Variants in NFIX observed in about 807,000 individuals in gnomAD.
The protein encoded by NFIX is nuclear factor 1 X-type.
In NFIX, 2 loss-of-function variants were observed where a neutral mutation model predicts 53.3. The ratio of observed to expected loss-of-function variants is 0.04; its 90% CI spans 0.02 to 0.12. The LOEUF (loss-of-function observed/expected upper bound fraction) is 0.12, where lower values mean the gene tolerates loss of function less well. NFIX is among the 10% of genes least tolerant of loss of function. The pLI is 1.00. For synonymous variants in NFIX, 244 were observed against 289.0 expected, an observed-to-expected ratio of 0.84 and a Z score of 1.58; for missense variants, 310 against 674.5, an observed-to-expected ratio of 0.46 and a Z score of 5.99.
intron 8 of NFIX, among the ~76,000 whole-genome samples, chr19:13,086,720 G>A (rs553499998): frequency 6.6e-6 from 1 of 152,324 alleles, no homozygotes; most frequent in African/African-American, 2.4e-5. Context: ...TTCTGGGGTG[G>A]GTCAGGGGTT....
At chr19:13,062,652 AGGT>A in intron 2 of NFIX, among the ~76,000 whole-genome samples, 1 of 152,270 alleles carries the variant, frequency 6.6e-6, no homozygotes, top group South Asian at 2.1e-4. Context: ...TTCCCTGTGT[AGGT>A]GGGATTTGGA....
At chr19:13,059,907 C>T (rs952494822) in intron 2 of NFIX, among the ~76,000 whole-genome samples, 1 of 151,532 alleles carries the variant, frequency 6.6e-6, no homozygotes, top group African/African-American at 2.4e-5. Flanking sequence ...CCTCAGCCTC[C>T]CAAGTAGCTG....
chr19:13,033,455 C>G (rs1242071409), intron 2 of NFIX, among the ~76,000 whole-genome samples: 1 of 152,178 alleles, frequency 6.6e-6, no homozygotes, highest in Non-Finnish European at 1.5e-5. Flanking sequence ...TAGGGGGCAT[C>G]TTGGCTCTTC....
rs1394216501 is a variant in NFIX, at chr19:13,011,512, G to GTGGGTTT, written c.28-13505_28-13499dup. 1.3e-5 allele frequency among the ~76,000 whole-genome samples: 2 copies of GTGGGTTT among 152,074 alleles called. No homozygotes were observed. Among genetic ancestry groups the GTGGGTTT allele is most frequent in the Non-Finnish European group, 1.5e-5 (1 of 68,002 alleles). ...TCATGGACTTCAGGAGTGAGGGTGGGTGGGTTTTGGAGGGGTGGGAGCAGA... is the reference window on the plus strand; with the variant it reads ...TCATGGACTTCAGGAGTGAGGGTGGGTGGGTTTTGGGTTTTGGAGGGGTGGGAGCAGA... On this transcript the variant is annotated intron_variant, in intron 1 of 10. Coordinates refer to ENST00000592199, the MANE Select transcript of NFIX (RefSeq NM_001365902.3). The surrounding 1 kb of genome is among the most constrained non-coding windows in gnomAD (Gnocchi z 6.5).
At chr19:13,062,182 A>G (rs1285605316) in intron 2 of NFIX, among the ~76,000 whole-genome samples, 1 of 152,144 alleles carries the variant, frequency 6.6e-6, no homozygotes, top group Non-Finnish European at 1.5e-5. Context: ...TCCTCTGGTC[A>G]TTCCAGCCCT....
At position 13,073,516 on chromosome 19, in the gene NFIX, C is replaced by G. The variant is rs1390068272; in HGVS notation, c.697+20C>G. 5 of 1,607,142 alleles carry G rather than the reference C, an allele frequency of 3.1e-6. No homozygotes were observed. The highest frequency in any genetic ancestry group is 4.3e-6 in the Non-Finnish European group (5 of 1,173,830). On this transcript the variant is annotated intron_variant, in intron 4 of 10. Coordinates refer to ENST00000592199, the MANE Select transcript of NFIX (RefSeq NM_001365902.3). This position sits in a 1 kb window ranked among gnomAD's most constrained non-coding sequence, Gnocchi z 4.5. ...CACAGAGTAAGTGAGTCCTTCCTTC[C>G]AGGCCAGGGATGGGGATTGAAAGTG...
chr19:13,034,234 C>A (rs981824775), intron 2 of NFIX, among the ~76,000 whole-genome samples: 1 of 152,178 alleles, frequency 6.6e-6, no homozygotes, highest in Non-Finnish European at 1.5e-5. Context: ...GCCCAGCTTG[C>A]GGCTCAGCTC....
rs186621528 is a variant in NFIX, at chr19:13,045,043, C to T, written c.559+19491C>T. On this transcript the variant is annotated intron_variant, in intron 2 of 10. Coordinates refer to ENST00000592199, the MANE Select transcript of NFIX (RefSeq NM_001365902.3). This position sits in a 1 kb window ranked among gnomAD's most constrained non-coding sequence, Gnocchi z 4.4. Reference sequence around the variant, plus strand: ...GAGGATGGTGAGAACAGCGGTGGCCCGCCGGCAGCTCAGATACCTGGGAGC... The same window carrying T: ...GAGGATGGTGAGAACAGCGGTGGCCTGCCGGCAGCTCAGATACCTGGGAGC... Among the ~76,000 whole-genome samples the T allele has an allele frequency of 2.6e-5, 4 of 152,282 alleles. No individual in the cohort carries two copies. Among genetic ancestry groups the T allele is most frequent in the Middle Eastern group, 3.4e-3 (1 of 294 alleles).
Position 13,036,418 on chromosome 19 carries a change from C to T in NFIX, c.559+10866C>T, listed in dbSNP as rs571718866. The stretch of plus-strand genomic sequence containing the variant: ...GGGTGGGGCTGTGGAAATGAGAAAC[C>T]GGACGAGACAGAGAGGGAATCCAGA... On this transcript the variant is annotated intron_variant, in intron 2 of 10. Transcript: ENST00000592199. The surrounding 1 kb of genome is among the most constrained non-coding windows in gnomAD (Gnocchi z 4.7). Among the ~76,000 whole-genome samples, 5 of 152,006 alleles carry T rather than the reference C, an allele frequency of 3.3e-5. No individual in the cohort carries two copies. Among genetic ancestry groups the T allele is most frequent in the Middle Eastern group, 3.4e-3 (1 of 294 alleles).
Position 13,090,418 on chromosome 19 carries a change from G to A in NFIX, c.1494+28G>A. On this transcript the variant is annotated intron_variant, in intron 10 of 10. Coordinates refer to ENST00000592199, the MANE Select transcript of NFIX (RefSeq NM_001365902.3). The surrounding 1 kb of genome is among the most constrained non-coding windows in gnomAD (Gnocchi z 6.6). ...AGGAGACCCTGCCCACCACCTGGAT[G>A]CAGGGACCAGGGGAGTAGTCAGGGT... 1 of 1,598,752 alleles carries A rather than the reference G, an allele frequency of 6.3e-7. No individual in the cohort carries two copies.
At chr19:13,038,035 G>C (rs1460370221) in intron 2 of NFIX, among the ~76,000 whole-genome samples, 1 of 152,136 alleles carries the variant, frequency 6.6e-6, no homozygotes, top group African/African-American at 2.4e-5. Context: ...ATTTCTTGCA[G>C]CTCTTGTTTT....
At chr19:13,071,181 G>T (rs959692745) in intron 2 of NFIX, 3 of 152,254 alleles carry the variant, frequency 2.0e-5, no homozygotes, top group African/African-American at 4.8e-5. Flanking sequence ...CTGCACATGG[G>T]TCCTGAGGTT....
intron 2 of NFIX, among the ~76,000 whole-genome samples, chr19:13,062,046 G>A (rs2016124487): frequency 1.3e-5 from 2 of 152,110 alleles, no homozygotes; most frequent in South Asian, 2.1e-4. Context: ...CAGATTCCTC[G>A]TATTTCCTCT....
intron 2 of NFIX, among the ~76,000 whole-genome samples, chr19:13,034,440 C>T (rs1447059459): frequency 1.3e-5 from 2 of 152,180 alleles, no homozygotes; most frequent in Non-Finnish European, 2.9e-5. Context: ...GATGCTCTCA[C>T]CCTGCTGCAG....
At chr19:13,018,376 C>T (rs956047570) in intron 1 of NFIX, among the ~76,000 whole-genome samples, 9 of 115,886 alleles carry the variant, frequency 7.8e-5, no homozygotes, top group South Asian at 5.9e-4. Flanking sequence ...GAGAAGTGTG[C>T]GGCCTGGCTG....
chr19:13,003,593 C>T (rs1319257548), intron 1 of NFIX, among the ~76,000 whole-genome samples: 1 of 152,186 alleles, frequency 6.6e-6, no homozygotes, highest in Non-Finnish European at 1.5e-5. Context: ...ACTCCCTAAC[C>T]CAGTGTCACC....
chr19:13,097,423 T>C lies in NFIX; in HGVS notation c.*2774T>C, dbSNP rs749536146. ...TAAAACCCTGGTGCTTCTTACATTA[T>C]AAAGTACGTTTTAAAGAACCCACAA... On this transcript the variant is annotated 3_prime_UTR_variant, in exon 11 of 11. Transcript: ENST00000592199. The C allele has an allele frequency of 4.6e-5, 7 of 152,676 alleles. No homozygotes were observed. Among genetic ancestry groups the C allele is most frequent in the Non-Finnish European group, 1.0e-4 (7 of 68,046 alleles). The allele number at this position is 152,676 out of a possible 1,614,324, so 9.5% of individuals were successfully genotyped here.
intron 10 of NFIX, among the ~76,000 whole-genome samples, chr19:13,092,367 G>T (rs1568336033): frequency 6.6e-6 from 1 of 152,228 alleles, no homozygotes; most frequent in Non-Finnish European, 1.5e-5. Flanking sequence ...TCTGGGACCT[G>T]TGGGGAGGTG....
chr19:13,064,987 A>C (rs944948542), intron 2 of NFIX, among the ~76,000 whole-genome samples: 2 of 152,214 alleles, frequency 1.3e-5, no homozygotes, highest in African/African-American at 4.8e-5. Flanking sequence ...CAGATGAGGA[A>C]ACAGTTCATA....
Sources: allele counts gnomAD v4.1 joint callset (sites outside exome capture counted in the v4.1 genomes callset), GRCh38; gene constraint gnomAD v4.1.1; non-coding constraint Gnocchi (gnomAD v3.1); transcripts MANE v1.5; gene names NCBI Gene and HGNC (gene_info 2026-07-23, HGNC 2026-07-21).